Variants in ABCC4 observed in about 807,000 individuals in gnomAD.
ABCC4 encodes the protein ATP-binding cassette sub-family C member 4.
In ABCC4, 102 loss-of-function variants were observed where a neutral mutation model predicts 168.5. The ratio of observed to expected loss-of-function variants is 0.61; its 90% confidence interval spans 0.52 to 0.71. The LOEUF (loss-of-function observed/expected upper bound fraction) is 0.71, where lower values mean the gene tolerates loss of function less well. ABCC4 is among the 30% of genes least tolerant of loss of function. The pLI is 0.00. For missense variants in ABCC4, 1,402 were observed against 1,605.8 expected, an observed-to-expected ratio of 0.87 and a Z score of 2.17; for synonymous variants, 617 against 590.7, an observed-to-expected ratio of 1.04 and a Z score of -0.65.
chr13:95,202,942 G>A (rs993510351), intron 8 of ABCC4, among the ~76,000 whole-genome samples: 1 of 152,126 alleles, frequency 6.6e-6, no homozygotes, highest in African/African-American at 2.4e-5. Flanking sequence ...TTACAGACGT[G>A]AGCCATCGCG....
chr13:95,114,860 C>T (rs1024689572), intron 20 of ABCC4, among the ~76,000 whole-genome samples: 3 of 152,104 alleles, frequency 2.0e-5, no homozygotes, highest in Admixed American at 2.0e-4. Flanking sequence ...GAGAAAAAAG[C>T]AGGGGTAGGG....
chr13:95,057,499 A>C (rs953506582), intron 26 of ABCC4, among the ~76,000 whole-genome samples: 2 of 152,104 alleles, frequency 1.3e-5, no homozygotes, highest in African/African-American at 4.8e-5. Context: ...TGGCCTCCCA[A>C]AGTGCTGGGA....
chr13:95,192,581 C>G (rs1471113559), intron 9 of ABCC4, among the ~76,000 whole-genome samples: 1 of 152,160 alleles, frequency 6.6e-6, no homozygotes, highest in Non-Finnish European at 1.5e-5. Context: ...ACCTAGAGTG[C>G]TTTTTTCTAG....
At chr13:95,097,992 T>C (rs1019597232) in intron 20 of ABCC4, among the ~76,000 whole-genome samples, 6 of 151,818 alleles carry the variant, frequency 4.0e-5, no homozygotes, top group African/African-American at 1.5e-4. Flanking sequence ...AAAAATTAGC[T>C]GGGTGTGGTG....
intron 10 of ABCC4, 70 bp from the exon 11 acceptor site, chr13:95,186,962 C>A: frequency 7.5e-7 from 1 of 1,332,690 alleles, no homozygotes; most frequent in Non-Finnish European, 1.0e-6. Flanking sequence ...TGCAATGCAG[C>A]CTTGCCCAGC....
intron 6 of ABCC4, 120 bp from the exon 7 acceptor site, chr13:95,208,045 A>C: frequency 9.7e-7 from 1 of 1,029,234 alleles, no homozygotes; most frequent in Non-Finnish European, 1.4e-6. Flanking sequence ...TTCCGACAAC[A>C]CAGACAGGTC....
intron 20 of ABCC4, among the ~76,000 whole-genome samples, chr13:95,092,438 C>A (rs2034464599): frequency 6.6e-6 from 1 of 152,032 alleles, no homozygotes; most frequent in African/African-American, 2.4e-5. Flanking sequence ...CAAAACCATG[C>A]AAATACATGG....
At chr13:95,127,702 ATC>A (rs1259707671) in intron 19 of ABCC4, among the ~76,000 whole-genome samples, 1 of 152,050 alleles carries the variant, frequency 6.6e-6, no homozygotes, top group African/African-American at 2.4e-5. Flanking sequence ...CTCAGTGGTG[ATC>A]TCATGCCCTT....
chr13:95,294,242 C>T (rs991716186), intron 1 of ABCC4, among the ~76,000 whole-genome samples: 9 of 152,034 alleles, frequency 5.9e-5, no homozygotes, highest in Admixed American at 5.9e-4. Flanking sequence ...CTCCTGTAAT[C>T]CCAGATACTT....
At chr13:95,062,624 A>C in intron 26 of ABCC4, 80 bp downstream of exon 26, 1 of 1,325,380 alleles carries the variant, frequency 7.5e-7, no homozygotes, top group Non-Finnish European at 1.0e-6. Context: ...CATCCAATTA[A>C]AAAAAGCAAT....
At chr13:95,212,625 C>A (rs1020743841) in intron 4 of ABCC4, among the ~76,000 whole-genome samples, 1 of 152,136 alleles carries the variant, frequency 6.6e-6, no homozygotes, top group Non-Finnish European at 1.5e-5. Context: ...CTTCTGGGTG[C>A]ACCAGGAGGG....
chr13:95,277,734 G>A (rs180977993), intron 1 of ABCC4, among the ~76,000 whole-genome samples: 6 of 152,288 alleles, frequency 3.9e-5, no homozygotes, highest in African/African-American at 1.4e-4. Flanking sequence ...AGAACAGCAA[G>A]TGCTGAAGCC....
intron 25 of ABCC4, among the ~76,000 whole-genome samples, chr13:95,071,114 G>A (rs1269490867): frequency 6.6e-6 from 1 of 152,126 alleles, no homozygotes; most frequent in African/African-American, 2.4e-5. Flanking sequence ...TATAAGATGT[G>A]ACTTGCTCCT....
At chr13:95,146,643 G>T (rs2036506105) in intron 19 of ABCC4, among the ~76,000 whole-genome samples, 1 of 152,182 alleles carries the variant, frequency 6.6e-6, no homozygotes, top group Non-Finnish European at 1.5e-5. Context: ...AGAGTATTGG[G>T]CAAGAAGGCA....
chr13:95,215,547 A>T (rs925400559), intron 4 of ABCC4, among the ~76,000 whole-genome samples: 2 of 152,220 alleles, frequency 1.3e-5, no homozygotes, highest in Non-Finnish European at 2.9e-5. Context: ...ATAGAATTTT[A>T]CTGTTGCATA....
intron 26 of ABCC4, among the ~76,000 whole-genome samples, chr13:95,058,424 C>G (rs12861846): frequency 0.31 from 47,517 of 151,298 alleles, 7,619 homozygotes; most frequent in Non-Finnish European, 0.34. Context: ...CAAAGATTAG[C>G]TGGGTGTGGT....
chr13:95,208,305 G>A (rs1203772997), intron 6 of ABCC4, among the ~76,000 whole-genome samples: 2 of 138,208 alleles, frequency 1.4e-5, no homozygotes, highest in Non-Finnish European at 3.1e-5. Flanking sequence ...AGAAAGGGCT[G>A]TTTGTTAACT....
chr13:95,260,800 A>AC (rs2040513446), intron 1 of ABCC4, among the ~76,000 whole-genome samples: 1 of 152,008 alleles, frequency 6.6e-6, no homozygotes, highest in Non-Finnish European at 1.5e-5. Flanking sequence ...TTTGTATATG[A>AC]TGAACTGTGG....
chr13:95,216,608 C>CAAAAA (rs199711816), intron 4 of ABCC4, among the ~76,000 whole-genome samples: 43 of 125,478 alleles, frequency 3.4e-4, no homozygotes, highest in African/African-American at 7.7e-4. Flanking sequence ...AGGAAATTCA[C>CAAAAA]AAAAAAAAAA....
Sources: gnomAD v4.1 joint callset for allele counts (sites outside exome capture counted in the v4.1 genomes callset) on GRCh38, gnomAD v4.1.1 for gene constraint, MANE v1.5 for transcripts, NCBI Gene and HGNC (gene_info 2026-07-23, HGNC 2026-07-21) for gene names.